EEFSEC: variants seen among roughly 807,000 people sequenced by gnomAD.
EEFSEC encodes the protein eukaryotic elongation factor, selenocysteine-tRNA specific.
A neutral mutation model predicts 42.1 loss-of-function variants in EEFSEC; 43 were observed. That is an observed-to-expected ratio of 1.02 (90% CI 0.80 to 1.32). The LOEUF (loss-of-function observed/expected upper bound fraction) is 1.32, where lower values mean the gene tolerates loss of function less well. EEFSEC is among the 40% of genes most tolerant of loss of function. The pLI, the probability that EEFSEC is intolerant of heterozygous loss-of-function variation, is 0.00. For synonymous variants in EEFSEC, 354 were observed against 339.1 expected (o/e 1.04, Z -0.48); for missense variants, 745 against 803.6 (o/e 0.93, Z 0.88).
At chr3:128,288,774 G>A (rs1033488626) in intron 4 of EEFSEC, among the ~76,000 whole-genome samples, 1 of 152,206 alleles carries the variant, frequency 6.6e-6, no homozygotes, top group Non-Finnish European at 1.5e-5. Context: ...GAATAACTTG[G>A]ATGCCAGAAC....
chr3:128,173,727 C>G (rs766432338), intron 1 of EEFSEC, among the ~76,000 whole-genome samples: 1 of 152,198 alleles, frequency 6.6e-6, no homozygotes, highest in African/African-American at 2.4e-5. Flanking sequence ...TGATTAGTGT[C>G]AGCTTCCAGT....
intron 6 of EEFSEC, among the ~76,000 whole-genome samples, chr3:128,382,184 G>A (rs1017835534): frequency 6.6e-6 from 1 of 152,220 alleles, no homozygotes; most frequent in African/African-American, 2.4e-5. Flanking sequence ...CCTCTGGGCT[G>A]CTTGTGGAGA....
At position 128,159,163 on chromosome 3, in the gene EEFSEC, T is replaced by C. The variant is rs1384539962; in HGVS notation, c.316+5340T>C. Reference sequence around the variant, plus strand: ...TTGAGTGCCTGCTCGGGCCCAGGCCTGTTGCCAGGAACTTGCATCTATGCA... The same window carrying C: ...TTGAGTGCCTGCTCGGGCCCAGGCCCGTTGCCAGGAACTTGCATCTATGCA... On this transcript the variant is annotated intron_variant, in intron 1 of 6. Transcript: ENST00000254730. Among the ~76,000 whole-genome samples the C allele has an allele frequency of 3.3e-5, 5 of 152,384 alleles. No individual in the cohort carries two copies. In the East Asian group the frequency reaches 9.6e-4, roughly 29 times the overall value.
chr3:128,364,185 G>A (rs1017826140), intron 6 of EEFSEC, among the ~76,000 whole-genome samples: 5 of 152,278 alleles, frequency 3.3e-5, no homozygotes, highest in East Asian at 1.9e-4. Context: ...CATTTAGCTC[G>A]GCAAACTTAG....
At chr3:128,385,726 C>T (rs969061244) in intron 6 of EEFSEC, among the ~76,000 whole-genome samples, 1 of 152,252 alleles carries the variant, frequency 6.6e-6, no homozygotes, top group Non-Finnish European at 1.5e-5. Flanking sequence ...CCCGGACTCA[C>T]GATCTGGCTC....
Position 128,168,170 on chromosome 3 carries a change from A to G in EEFSEC, c.316+14347A>G, listed in dbSNP as rs2065260767. On this transcript the variant is annotated intron_variant, in intron 1 of 6. Transcript: ENST00000254730. Reference sequence around the variant, plus strand: ...GGGGATGGGGAAATGAGCGTAATGCAAGCCTGTGGCTGATGCCAGTAATTG... The same window carrying G: ...GGGGATGGGGAAATGAGCGTAATGCGAGCCTGTGGCTGATGCCAGTAATTG... 3.3e-5 allele frequency among the ~76,000 whole-genome samples: 5 copies of G among 152,302 alleles called. No individual in the cohort carries two copies. In the South Asian group the frequency reaches 1.0e-3, roughly 32 times the overall value.
intron 1 of EEFSEC, among the ~76,000 whole-genome samples, chr3:128,234,176 C>T (rs1468774283): frequency 2.6e-5 from 4 of 152,094 alleles, no homozygotes; most frequent in Admixed American, 6.6e-5. Context: ...CCTCAGCCTC[C>T]TGAGTAGCTG....
chr3:128,212,840 G>A (rs760736861), intron 1 of EEFSEC, among the ~76,000 whole-genome samples: 2 of 152,166 alleles, frequency 1.3e-5, no homozygotes, highest in Non-Finnish European at 2.9e-5. Context: ...CGAGTGTTGC[G>A]AGTTCAAGCC....
At chr3:128,188,689 G>A (rs893006499) in intron 1 of EEFSEC, among the ~76,000 whole-genome samples, 32 of 152,192 alleles carry the variant, frequency 2.1e-4, no homozygotes, top group African/African-American at 7.5e-4. Flanking sequence ...TATTTTGACT[G>A]TACAAGCAAA....
At chr3:128,405,302 C>G (rs1031251914) in intron 6 of EEFSEC, among the ~76,000 whole-genome samples, 2 of 152,176 alleles carry the variant, frequency 1.3e-5, no homozygotes, top group African/African-American at 4.8e-5. Flanking sequence ...AGGCATGAGC[C>G]CTTGTCACCT....
chr3:128,295,155 C>G (rs2066689446), intron 4 of EEFSEC, among the ~76,000 whole-genome samples: 1 of 152,206 alleles, frequency 6.6e-6, no homozygotes, highest in South Asian at 2.1e-4. Flanking sequence ...AAAGCTGCAG[C>G]TGATTCCAGG....
Position 128,174,493 on chromosome 3 carries a change from C to T in EEFSEC, c.316+20670C>T, listed in dbSNP as rs146383283. ...CTAATTAATAGTTGCCTCTGGAAAA[C>T]GCAGAGGAGGTTTCAGACTGCCTCA... is the stretch of plus-strand genomic sequence containing the variant. On this transcript the variant is annotated intron_variant, in intron 1 of 6. Transcript: ENST00000254730. Among the ~76,000 whole-genome samples the T allele has an allele frequency of 9.9e-4, 151 of 152,204 alleles. 2 individuals are homozygous for T. Among genetic ancestry groups the T allele is most frequent in the Non-Finnish European group, 1.5e-3 (104 of 68,018 alleles).
At chr3:128,190,252 C>T (rs1393763896) in intron 1 of EEFSEC, among the ~76,000 whole-genome samples, 1 of 152,206 alleles carries the variant, frequency 6.6e-6, no homozygotes, top group African/African-American at 2.4e-5. Context: ...ATTGTCATCA[C>T]AGGAGGTGAC....
intron 4 of EEFSEC, among the ~76,000 whole-genome samples, chr3:128,274,371 G>A (rs142534937): frequency 2.0e-5 from 3 of 152,358 alleles, no homozygotes; most frequent in African/African-American, 4.8e-5. Flanking sequence ...GCATGTGGGC[G>A]CAGTCACCAC....
intron 5 of EEFSEC, among the ~76,000 whole-genome samples, chr3:128,353,132 T>C (rs970915697): frequency 1.3e-5 from 2 of 152,244 alleles, no homozygotes; most frequent in Admixed American, 6.5e-5. Flanking sequence ...CTTTGATATA[T>C]ATTCAAATAA....
chr3:128,182,881 G>A (rs2065424171), intron 1 of EEFSEC, among the ~76,000 whole-genome samples: 1 of 105,506 alleles, frequency 9.5e-6, no homozygotes, highest in African/African-American at 3.6e-5. Context: ...CAGAGATCGG[G>A]GCGGGGGGGT....
At chr3:128,214,214 A>C (rs982405766) in intron 1 of EEFSEC, among the ~76,000 whole-genome samples, 4 of 152,228 alleles carry the variant, frequency 2.6e-5, no homozygotes, top group Non-Finnish European at 5.9e-5. Flanking sequence ...ATATATTCAC[A>C]TATATGTATA....
intron 1 of EEFSEC, among the ~76,000 whole-genome samples, chr3:128,179,668 G>T (rs546520211): frequency 6.6e-6 from 1 of 152,322 alleles, no homozygotes; most frequent in African/African-American, 2.4e-5. Context: ...AGTGGCTTGG[G>T]CCGGCAGACG....
intron 6 of EEFSEC, among the ~76,000 whole-genome samples, chr3:128,380,825 A>C (rs909531955): frequency 5.9e-5 from 9 of 152,226 alleles, no homozygotes; most frequent in African/African-American, 2.2e-4. Context: ...CTAGGCAAGT[A>C]GGGTCACCTG....
Sources: allele counts gnomAD v4.1 joint callset (sites outside exome capture counted in the v4.1 genomes callset), GRCh38; gene constraint gnomAD v4.1.1; transcripts MANE v1.5; gene names NCBI Gene and HGNC (gene_info 2026-07-23, HGNC 2026-07-21).